Variants in NELL2 observed in about 807,000 individuals in gnomAD.
NELL2 encodes protein kinase C-binding protein NELL2.
Under a neutral mutation model 109.6 loss-of-function variants are expected in NELL2, and 41 were observed. The observed-to-expected ratio is 0.37, with a 90% CI of 0.29 to 0.49. The LOEUF (loss-of-function observed/expected upper bound fraction) is 0.49. NELL2 is among the 20% of genes least tolerant of loss of function. The pLI is 0.98. For missense variants in NELL2, 900 were observed against 1,008.3 expected (o/e 0.89, Z 1.45); for synonymous variants, 355 against 344.7 (o/e 1.03, Z -0.33).
At chr12:44,588,186 A>AG (rs1423125046) in intron 15 of NELL2, among the ~76,000 whole-genome samples, 4 of 150,212 alleles carry the variant, frequency 2.7e-5, no homozygotes, top group African/African-American at 9.8e-5. Context: ...AAAAAAAAAA[A>AG]GTTGGTTTCA....
At chr12:44,821,047 AC>A in intron 2 of NELL2, among the ~76,000 whole-genome samples, 1 of 5,024 alleles carries the variant, frequency 2.0e-4, no homozygotes, top group African/African-American at 9.5e-4. Context: ...CTTTATAAAT[AC>A]ACACACACAC....
intron 3 of NELL2, among the ~76,000 whole-genome samples, chr12:44,782,152 G>C (rs1451455385): frequency 6.6e-6 from 1 of 151,730 alleles, no homozygotes; most frequent in East Asian, 1.9e-4. Flanking sequence ...GAAACATAAA[G>C]ACAGCTAAAA....
In NELL2 at chr12:44,679,415, G is replaced by A. The variant is rs79191822; in HGVS notation, c.1319-13806C>T. Among the ~76,000 whole-genome samples the A allele has an allele frequency of 8.8e-3, 1,340 of 152,192 alleles. 12 individuals carry two copies. The highest frequency in any genetic ancestry group is 0.026 in the East Asian group (136 of 5,176). On this transcript the variant is annotated intron_variant, in intron 12 of 19. Transcript: ENST00000429094. ...GGGATGCACAGTAGAATTACCAAGC[G>A]GAGTACAGGACTCAAAGCATGAACA...
At chr12:44,833,139 G>A (rs1023231783) in intron 2 of NELL2, among the ~76,000 whole-genome samples, 1 of 152,096 alleles carries the variant, frequency 6.6e-6, no homozygotes, top group South Asian at 2.1e-4. Context: ...ACAAATAAAT[G>A]TTTTGCTTTT....
chr12:44,822,789 C>A (rs944093909), intron 2 of NELL2, among the ~76,000 whole-genome samples: 1 of 152,132 alleles, frequency 6.6e-6, no homozygotes, highest in Non-Finnish European at 1.5e-5. Context: ...AATGAAGTAG[C>A]TCAGAAGCAA....
At chr12:44,702,411 G>C (rs936280673) in intron 12 of NELL2, among the ~76,000 whole-genome samples, 1 of 151,980 alleles carries the variant, frequency 6.6e-6, no homozygotes, top group Non-Finnish European at 1.5e-5. Flanking sequence ...AATATACTTA[G>C]TAGCATCAAA....
intron 19 of NELL2, among the ~76,000 whole-genome samples, chr12:44,513,352 C>A (rs1197517233): frequency 6.6e-6 from 1 of 151,812 alleles, no homozygotes; most frequent in Non-Finnish European, 1.5e-5. Flanking sequence ...TAAAACATAT[C>A]ATCCATCATA....
chr12:44,813,942 T>TA (rs1171924024), intron 3 of NELL2, among the ~76,000 whole-genome samples: 24 of 152,350 alleles, frequency 1.6e-4, no homozygotes, highest in African/African-American at 5.8e-4. Flanking sequence ...CCCATATCTT[T>TA]AAAATGTTTC....
At chr12:44,764,301 T>A (rs1363328595) in intron 9 of NELL2, among the ~76,000 whole-genome samples, 1 of 152,204 alleles carries the variant, frequency 6.6e-6, no homozygotes, top group East Asian at 1.9e-4. Flanking sequence ...GAAATTTCTC[T>A]TCCTGAACTA....
At chr12:44,548,633 T>G (rs1461466195) in intron 15 of NELL2, among the ~76,000 whole-genome samples, 1 of 152,104 alleles carries the variant, frequency 6.6e-6, no homozygotes, top group Non-Finnish European at 1.5e-5. Context: ...TTTTTTTGGT[T>G]GTTCAAAGAA....
chr12:44,731,405 T>C (rs867218435), intron 9 of NELL2, among the ~76,000 whole-genome samples: 51 of 148,724 alleles, frequency 3.4e-4, no homozygotes, highest in Middle Eastern at 6.8e-3. Flanking sequence ...CATGATAAAG[T>C]GGTATTTATC....
intron 9 of NELL2, among the ~76,000 whole-genome samples, chr12:44,731,984 A>G (rs966498090): frequency 2.0e-5 from 3 of 152,040 alleles, no homozygotes; most frequent in Non-Finnish European, 2.9e-5. Flanking sequence ...CAATAGCATC[A>G]ATAATAATAA....
intron 12 of NELL2, among the ~76,000 whole-genome samples, chr12:44,682,689 T>C (rs1054550754): frequency 7.2e-5 from 11 of 152,234 alleles, no homozygotes; most frequent in Non-Finnish European, 1.3e-4. Flanking sequence ...CTTTCCCCAT[T>C]TCTTGTTTTT....
chr12:44,860,472 A>G (rs1432577735), intron 2 of NELL2, among the ~76,000 whole-genome samples: 1 of 152,012 alleles, frequency 6.6e-6, no homozygotes, highest in Non-Finnish European at 1.5e-5. Context: ...TCAAGGTGTC[A>G]GTAGGGCTAT....
chr12:44,861,394 AGGCTCCAGGCTGGCCAATCAGACTT>A (rs1944839282), intron 2 of NELL2, among the ~76,000 whole-genome samples: 1 of 152,174 alleles, frequency 6.6e-6, no homozygotes, highest in Non-Finnish European at 1.5e-5. Context: ...CCACAGCCTC[AGGCTCCAGGCTGGCCAATCAGACTT>A]GGTCTTTGGG....
chr12:44,684,301 T>C (rs919598378), intron 12 of NELL2, among the ~76,000 whole-genome samples: 1 of 152,264 alleles, frequency 6.6e-6, no homozygotes, highest in African/African-American at 2.4e-5. Flanking sequence ...TATTTGATTC[T>C]TCTCTCTTTT....
chr12:44,557,399 G>C (rs1943295651), intron 15 of NELL2, among the ~76,000 whole-genome samples: 1 of 152,142 alleles, frequency 6.6e-6, no homozygotes, highest in African/African-American at 2.4e-5. Context: ...AACAGGATTT[G>C]GAGGTAAAGT....
intron 13 of NELL2, among the ~76,000 whole-genome samples, chr12:44,651,009 C>T (rs1336452837): frequency 6.6e-6 from 1 of 152,242 alleles, no homozygotes; most frequent in East Asian, 1.9e-4. Flanking sequence ...AACTGGGCCA[C>T]ACAGCAGGAG....
intron 2 of NELL2, among the ~76,000 whole-genome samples, chr12:44,860,053 A>G (rs1944792722): frequency 6.6e-6 from 1 of 152,078 alleles, no homozygotes; most frequent in South Asian, 2.1e-4. Context: ...GAAAGGGTGT[A>G]TTTTTGAAAA....
Sources: gnomAD v4.1 joint callset for allele counts (sites outside exome capture counted in the v4.1 genomes callset) on GRCh38, gnomAD v4.1.1 for gene constraint, MANE v1.5 for transcripts, NCBI Gene and HGNC (gene_info 2026-07-23, HGNC 2026-07-21) for gene names.